EXD3: variants seen among roughly 807,000 people sequenced by gnomAD.
EXD3 encodes exonuclease mut-7 homolog.
In EXD3, 92 loss-of-function variants were observed where a neutral mutation model predicts 98.0. The observed-to-expected ratio is 0.94, with a 90% CI of 0.79 to 1.12. The LOEUF (loss-of-function observed/expected upper bound fraction) is 1.12, where lower values mean the gene tolerates loss of function less well. EXD3 is among the 50% of genes most tolerant of loss of function. The probability of loss-of-function intolerance (pLI) is 0.00; values close to 1 mark genes in which losing one functional copy is unlikely to be tolerated. For missense variants in EXD3, 1,222 were observed against 1,191.6 expected (o/e 1.03, Z -0.38); for synonymous variants, 569 against 526.0 (o/e 1.08, Z -1.12).
chr9:137,357,823 A>G (rs1324309049), intron 7 of EXD3, among the ~76,000 whole-genome samples: 1 of 151,884 alleles, frequency 6.6e-6, no homozygotes, highest in Admixed American at 6.6e-5. Context: ...GTGCAAGCTG[A>G]GGAGCACAGA....
intron 17 of EXD3, among the ~76,000 whole-genome samples, chr9:137,327,519 A>G (rs550365587): frequency 1.2e-3 from 189 of 152,272 alleles, no homozygotes; most frequent in South Asian, 4.1e-3. Context: ...AATGCCACTG[A>G]ATTGTACACT....
chr9:137,339,650 GA>G (rs753112476), intron 17 of EXD3, among the ~76,000 whole-genome samples: 256 of 152,210 alleles, frequency 1.7e-3, no homozygotes, highest in Non-Finnish European at 2.9e-3. Context: ...CAGATTAAAG[GA>G]AAAATAACCT....
Position 137,375,239 on chromosome 9 carries a change from C to A in EXD3, c.121-1640G>T, listed in dbSNP as rs192659549. On this transcript the variant is annotated intron_variant, in intron 3 of 21. Transcript: ENST00000340951. ...AGCCAGGATGGTCTCGATCTCCTGA[C>A]CTCGTGATCCGCCCGTCTCGGCCTC... 9.2e-5 allele frequency among the ~76,000 whole-genome samples: 14 copies of A among 152,322 alleles called. No individual in the cohort carries two copies. The East Asian group carries it at 2.7e-3, about 29-fold the overall frequency.
intron 1 of EXD3, among the ~76,000 whole-genome samples, chr9:137,420,714 T>G: frequency 6.8e-6 from 1 of 147,348 alleles, no homozygotes; most frequent in Admixed American, 6.9e-5. Flanking sequence ...CAAGATAGTT[T>G]GGGACCTGGA....
chr9:137,378,177 C>A (rs1386374208), intron 3 of EXD3, among the ~76,000 whole-genome samples: 2 of 151,870 alleles, frequency 1.3e-5, no homozygotes, highest in African/African-American at 4.8e-5. Context: ...CTATTCCAGG[C>A]AGTTTCCCAA....
At chr9:137,412,502 G>A (rs926242103) in intron 1 of EXD3, among the ~76,000 whole-genome samples, 2 of 152,134 alleles carry the variant, frequency 1.3e-5, no homozygotes, top group Admixed American at 6.6e-5. Flanking sequence ...GCCCTTCCAG[G>A]AGAAGCAAAC....
At chr9:137,397,390 G>A (rs1837268556) in intron 1 of EXD3, among the ~76,000 whole-genome samples, 1 of 152,084 alleles carries the variant, frequency 6.6e-6, no homozygotes, top group Non-Finnish European at 1.5e-5. Context: ...CAAGTTCAAG[G>A]GACTCAGCCA....
intron 1 of EXD3, among the ~76,000 whole-genome samples, chr9:137,421,013 G>A (rs576379388): frequency 6.6e-6 from 1 of 152,028 alleles, no homozygotes; most frequent in Non-Finnish European, 1.5e-5. Flanking sequence ...CAGGGACCTC[G>A]CTATGTTGCC....
chr9:137,339,474 G>C (rs1833537134), intron 17 of EXD3, among the ~76,000 whole-genome samples: 2 of 137,916 alleles, frequency 1.5e-5, no homozygotes, highest in African/African-American at 5.6e-5. Flanking sequence ...GCCAGCCTGG[G>C]TAACACAGCA....
At position 137,324,520 on chromosome 9, in the gene EXD3, A is replaced by G. The variant is rs1588249516; in HGVS notation, c.1999-377T>C. 6.6e-6 allele frequency among the ~76,000 whole-genome samples: 1 copy of G among 152,142 alleles called. No individual in the cohort carries two copies. Among genetic ancestry groups the G allele is most frequent in the African/African-American group, 2.4e-5 (1 of 41,406 alleles). On this transcript the variant is annotated intron_variant, in intron 17 of 21. Coordinates refer to ENST00000340951, the MANE Select transcript of EXD3 (RefSeq NM_017820.5). This position sits in a 1 kb window ranked among gnomAD's most constrained non-coding sequence, Gnocchi z 4.1. ...CTTGCCCCTAGCTCATAGGGAGCCA[A>G]CTACACATCAAAAATGAAGAAAACC...
rs952248647 is a variant in EXD3 at position 137,403,482 on chromosome 9, G to C, written c.-47-8078C>G. ...GGTCTCCGAGGGTCGGGGGCCGCAG[G>C]GTCTGGCAGCACCCCATGAAGGCCG... On this transcript the variant is annotated intron_variant, in intron 1 of 21. Coordinates refer to ENST00000340951, the MANE Select transcript of EXD3 (RefSeq NM_017820.5). The surrounding 1 kb of genome is among the most constrained non-coding windows in gnomAD (Gnocchi z 6.1). 6.6e-6 allele frequency among the ~76,000 whole-genome samples: 1 copy of C among 151,968 alleles called. No individual in the cohort carries two copies. The highest frequency in any genetic ancestry group is 2.1e-4 in the South Asian group (1 of 4,820).
At chr9:137,401,039 C>G (rs1347415192) in intron 1 of EXD3, among the ~76,000 whole-genome samples, 2 of 152,096 alleles carry the variant, frequency 1.3e-5, no homozygotes, top group Non-Finnish European at 2.9e-5. Flanking sequence ...GCACATGGTG[C>G]AGGCTGTCGG....
At chr9:137,417,627 G>C (rs1838299210) in intron 1 of EXD3, among the ~76,000 whole-genome samples, 1 of 152,316 alleles carries the variant, frequency 6.6e-6, no homozygotes. Flanking sequence ...GGCGGCCGCA[G>C]AGGAGGAACG....
At chr9:137,357,658 A>G (rs547005347) in intron 7 of EXD3, among the ~76,000 whole-genome samples, 34 of 151,646 alleles carry the variant, frequency 2.2e-4, no homozygotes, top group African/African-American at 8.0e-4. Context: ...GCTCCAGCTT[A>G]GTGTCTGTAT....
chr9:137,308,244 C>G (rs964801482), intron 20 of EXD3, among the ~76,000 whole-genome samples: 2 of 152,180 alleles, frequency 1.3e-5, no homozygotes, highest in African/African-American at 2.4e-5. Flanking sequence ...CTGCCCTGCT[C>G]CTGTTGACCC....
intron 6 of EXD3, 42 bp downstream of exon 6, chr9:137,367,894 C>G (rs1835352307): frequency 1.3e-6 from 2 of 1,594,152 alleles, no homozygotes; most frequent in Non-Finnish European, 1.7e-6. Flanking sequence ...TGGGCGTTAT[C>G]CAAGTTTGAA....
intron 1 of EXD3, among the ~76,000 whole-genome samples, chr9:137,416,446 C>A (rs1046428486): frequency 2.0e-5 from 3 of 152,216 alleles, no homozygotes; most frequent in African/African-American, 7.2e-5. Context: ...GAGGGACCGC[C>A]GGCAGCCCAC....
Position 137,352,764 on chromosome 9 carries a change from C to T in EXD3, c.893G>A (p.Trp298Ter), listed in dbSNP as rs1834376097. ...HVQGLVGQSP[W>*]LQEQLSQLLV... Reference sequence around the variant, plus strand: ...CAGCTGAGACAGCTGCTCCTGAAGCCACGGGCTCTGCCCCACCAGGCCCTG... The same window carrying T: ...CAGCTGAGACAGCTGCTCCTGAAGCTACGGGCTCTGCCCCACCAGGCCCTG... Residue 298 changes from tryptophan to a stop codon, truncating the protein, a stop_gained, in exon 11 of 22, where the codon TGG becomes TAG. Transcript: ENST00000340951. LOFTEE classifies it high-confidence loss of function. The T allele has an allele frequency of 6.3e-7, 1 of 1,580,632 alleles. No individual in the cohort carries two copies.
chr9:137,417,709 G>C (rs998833518), intron 1 of EXD3, among the ~76,000 whole-genome samples: 2 of 152,114 alleles, frequency 1.3e-5, no homozygotes, highest in African/African-American at 4.8e-5. Flanking sequence ...ACAGGAGGTC[G>C]GCGCAGGCGA....
Sources: allele counts gnomAD v4.1 joint callset (sites outside exome capture counted in the v4.1 genomes callset), GRCh38; gene constraint gnomAD v4.1.1; non-coding constraint Gnocchi (gnomAD v3.1); transcripts MANE v1.5; gene names NCBI Gene and HGNC (gene_info 2026-07-23, HGNC 2026-07-21).